Variants in PPDPF observed in about 807,000 individuals in gnomAD.
PPDPF encodes the protein pancreatic progenitor cell differentiation and proliferation factor.
PPDPF carries 11 observed loss-of-function variants against 6.3 expected under a neutral mutation model. The observed-to-expected ratio is 1.76, with a 90% CI of 1.11 to 2.91. The LOEUF (loss-of-function observed/expected upper bound fraction) is 2.91. PPDPF is among the 30% of genes most tolerant of loss of function. The pLI is 0.00. For synonymous variants in PPDPF, 86 were observed against 64.5 expected (o/e 1.33, Z -1.60); for missense variants, 202 against 159.4 (o/e 1.27, Z -1.44).
chr20:63,521,646 G>A (rs747770066), intron 3 of PPDPF, 22 bp from the exon 4 acceptor site: 1 of 1,613,118 alleles, frequency 6.2e-7, no homozygotes, highest in Non-Finnish European at 8.5e-7. Context: ...GCAGCATCAA[G>A]ACCCCACTTC....
chr20:63,522,087 C>A lies in PPDPF; in HGVS notation c.*208C>A. 1.6e-6 allele frequency: 1 copy of A among 611,208 alleles called. No homozygotes were observed. The highest frequency in any genetic ancestry group is 3.0e-6 in the Non-Finnish European group (1 of 334,946). The allele number at this position is 611,208 out of a possible 1,614,324, so 37.9% of individuals were successfully genotyped here. A position where few individuals can be genotyped will look rare whatever the true frequency, so the allele number is the denominator to read the frequency against. On this transcript the variant is annotated 3_prime_UTR_variant, in exon 4 of 4. Coordinates refer to ENST00000370179, the MANE Select transcript of PPDPF (RefSeq NM_024299.4). ...GAGCCCCGCTCTCTACCGCCCGGCC[C>A]CAGCACTCGCTAGCTTTCCTGACAC...
At position 63,522,083 on chromosome 20, in the gene PPDPF, G is replaced by T; in HGVS notation, c.*204G>T. ...GTGAGAGCCCCGCTCTCTACCGCCC[G>T]GCCCCAGCACTCGCTAGCTTTCCTG... On this transcript the variant is annotated 3_prime_UTR_variant, in exon 4 of 4. Transcript: ENST00000370179. 1 of 612,012 alleles carries T rather than the reference G, an allele frequency of 1.6e-6. No individual in the cohort carries two copies. The highest frequency in any genetic ancestry group is 2.0e-5 in the South Asian group (1 of 50,862). The allele number at this position is 612,012 out of a possible 1,614,324, so 37.9% of individuals were successfully genotyped here. A position where few individuals can be genotyped will look rare whatever the true frequency, so the allele number is the denominator to read the frequency against.
At position 63,521,317 on chromosome 20, in the gene PPDPF, C is replaced by T; in HGVS notation, c.9C>T (p.Ala3=). ...AGCCAGCAAGCTAAAGCATGGCGGC[C>T]ATCCCCTCCAGCGGCTCGCTCGTGG... MA[A]IPSSGSLVAT... is the part of the protein sequence containing the mutation. The change falls in exon 2 of 4, where the codon GCC becomes GCT. Residue 3 remains alanine (A), a synonymous_variant. Coordinates refer to ENST00000370179, the MANE Select transcript of PPDPF (RefSeq NM_024299.4). The T allele has an allele frequency of 6.2e-7, 1 of 1,610,470 alleles. No homozygotes were observed. The highest frequency in any genetic ancestry group is 1.3e-5 in the African/African-American group (1 of 74,962).
chr20:63,521,117 G>A (rs1426466835), intron 1 of PPDPF, among the ~76,000 whole-genome samples, 167 bp from the exon 2 acceptor site: 1 of 152,046 alleles, frequency 6.6e-6, no homozygotes, highest in African/African-American at 2.4e-5. Flanking sequence ...CCGCTCGGCC[G>A]GTTTGGGCTG....
At position 63,520,826 on chromosome 20, in the gene PPDPF, C is replaced by G; in HGVS notation, c.-94C>G. 4 of 985,702 alleles carry G rather than the reference C, an allele frequency of 4.1e-6. No homozygotes were observed. In the South Asian group the frequency reaches 1.9e-4, roughly 46 times the overall value. 61.1% of individuals were successfully genotyped at this position (985,702 alleles called of 1,614,324 possible). On this transcript the variant is annotated 5_prime_UTR_variant, in exon 1 of 4. Transcript: ENST00000370179. ...CGCGGTCTTCTCTGCAAATGGGCTC[C>G]GTGGCCTAGCGCCCCCGTCCCCGCC... is the stretch of plus-strand genomic sequence containing the variant.
Position 63,521,339 on chromosome 20 carries a change from G to T in PPDPF, c.31G>T (p.Val11Leu), listed in dbSNP as rs1207317476. 1.9e-6 allele frequency: 3 copies of T among 1,608,326 alleles called. No homozygotes were observed. The highest frequency in any genetic ancestry group is 2.7e-5 in the African/African-American group (2 of 74,722). The change falls in exon 2 of 4, where the codon GTG (valine) becomes TTG (leucine). Residue 11 changes from valine to leucine, a missense_variant. Transcript: ENST00000370179. ...GGCCATCCCCTCCAGCGGCTCGCTC[G>T]TGGCCACCCACGACTACTACCGGCG... Reference protein sequence around the residue: MAAIPSSGSLVATHDYYRRRL... With the variant: MAAIPSSGSLLATHDYYRRRL...
rs1192841815 is a variant in PPDPF, at chr20:63,521,990, C to T, written c.*111C>T. ...TCGCCCCCCTCCCCACCTCCCACCC[C>T]CCACCCTGTAAACTAGGCGGCTGCA... On this transcript the variant is annotated 3_prime_UTR_variant, in exon 4 of 4. Transcript: ENST00000370179. 3.7e-6 allele frequency: 3 copies of T among 808,796 alleles called. No individual in the cohort carries two copies. The highest frequency in any genetic ancestry group is 2.4e-5 in the Admixed American group (1 of 41,878). 50.1% of individuals were successfully genotyped at this position (808,796 alleles called of 1,614,324 possible).
At position 63,521,566 on chromosome 20, in the gene PPDPF, G is replaced by C; in HGVS notation, c.110G>C (p.Gly37Ala). 4 of 1,607,582 alleles carry C rather than the reference G, an allele frequency of 2.5e-6. No homozygotes were observed. The highest frequency in any genetic ancestry group is 3.4e-6 in the Non-Finnish European group (4 of 1,176,840). ...TCCTGCAGCAGTACCGAGTGCCCCG[G>C]GGAAGCCATTCCCCACCCCCCAGGT... ...NSSCSSTECP[G>A]EAIPHPPGLP... Residue 37 changes from glycine to alanine, a missense_variant, in exon 3 of 4, where the codon GGG becomes GCG. Gly to Ala is a moderately conservative substitution (Grantham distance 60, BLOSUM62 0). Coordinates refer to ENST00000370179, the MANE Select transcript of PPDPF (RefSeq NM_024299.4).
rs1600923374 is a variant in PPDPF, at chr20:63,520,789, G to A, written c.-131G>A. The A allele has an allele frequency of 3.0e-6, 3 of 984,962 alleles. No homozygotes were observed. In the East Asian group the frequency reaches 3.4e-4, roughly 113 times the overall value. 61.0% of individuals were successfully genotyped at this position (984,962 alleles called of 1,614,324 possible). A position where few individuals can be genotyped will look rare whatever the true frequency, so the allele number is the denominator to read the frequency against. ...CACCCCGCGCGCGCCTCTCTGTCGT[G>A]GCGCGGCTTCCCGCGGTCTTCTCTG... On this transcript the variant is annotated 5_prime_UTR_variant, in exon 1 of 4. Coordinates refer to ENST00000370179, the MANE Select transcript of PPDPF (RefSeq NM_024299.4).
At position 63,521,495 on chromosome 20, in the gene PPDPF, G is replaced by A; in HGVS notation, c.56-17G>A. 1.3e-6 allele frequency: 2 copies of A among 1,565,738 alleles called. No homozygotes were observed. Among genetic ancestry groups the A allele is most frequent in the Non-Finnish European group, 1.7e-6 (2 of 1,154,330 alleles). On this transcript the variant is annotated splice_polypyrimidine_tract_variant and intron_variant, in intron 2 of 3. Coordinates refer to ENST00000370179, the MANE Select transcript of PPDPF (RefSeq NM_024299.4). ...GGCTCCGCGCCCCGCGTTGCTGACG[G>A]GACCTCTCCTCTCCAGGCCGCCTGG...
rs2082545758 is a variant in PPDPF at position 63,521,530 on chromosome 20, CCAGCAACAGCTCCTGCAGCAGTACCGA to C, written c.75_101del (p.Ser26_Glu34del). 6.3e-7 allele frequency: 1 copy of C among 1,585,078 alleles called. No homozygotes were observed. The highest frequency in any genetic ancestry group is 8.6e-7 in the Non-Finnish European group (1 of 1,164,256). Reference sequence around the variant, plus strand: ...TCTCCAGGCCGCCTGGGTTCCACTTCCAGCAACAGCTCCTGCAGCAGTACCGAGTGCCCCGGGGAAGCCATTCCCCAC... The same window carrying C: ...TCTCCAGGCCGCCTGGGTTCCACTTCGTGCCCCGGGGAAGCCATTCCCCAC... On this transcript the variant is annotated inframe_deletion, in exon 3 of 4. Transcript: ENST00000370179.
chr20:63,522,003 C>T lies in PPDPF; in HGVS notation c.*124C>T, dbSNP rs1175782680. 9.3e-6 allele frequency: 7 copies of T among 752,780 alleles called. No individual in the cohort carries two copies. Among genetic ancestry groups the T allele is most frequent in the East Asian group, 2.8e-5 (1 of 36,108 alleles). 46.6% of individuals were successfully genotyped at this position (752,780 alleles called of 1,614,324 possible). On this transcript the variant is annotated 3_prime_UTR_variant, in exon 4 of 4. Transcript: ENST00000370179. ...CACCTCCCACCCCCCACCCTGTAAA[C>T]TAGGCGGCTGCAGCAAGCAGACCTT...
chr20:63,521,675 C>G lies in PPDPF; in HGVS notation c.141C>G (p.Pro47=). The change falls in exon 4 of 4, where the codon CCC becomes CCG. Residue 47 remains proline, a synonymous_variant. Transcript: ENST00000370179. ...CCACTTCGCTTCTCTCAGGTCTCCC[C>G]AAGGCTGACCCGGGTCATTGGTGGG... ...GEAIPHPPGL[P]KADPGHWWAS... is the part of the protein sequence containing the mutation. 6.2e-7 allele frequency: 1 copy of G among 1,613,520 alleles called. No individual in the cohort carries two copies. The highest frequency in any genetic ancestry group is 2.2e-5 in the East Asian group (1 of 44,872).
rs771137057 is a variant in PPDPF at position 63,521,391 on chromosome 20, C to T, written c.55+28C>T. The T allele has an allele frequency of 1.3e-5, 21 of 1,602,862 alleles. No individual in the cohort carries two copies. In the African/African-American group the frequency reaches 2.8e-4, roughly 21 times the overall value. ...GAGTAGCCCCTGCCCCCCATCCACGCGGATGCTCTGCTGGCGCCAGTGCCG... is the reference window on the plus strand; with the variant it reads ...GAGTAGCCCCTGCCCCCCATCCACGTGGATGCTCTGCTGGCGCCAGTGCCG... On this transcript the variant is annotated intron_variant, in intron 2 of 3. Transcript: ENST00000370179.
In PPDPF at chr20:63,521,301, G is replaced by T; in HGVS notation, c.-8G>T. 6.2e-7 allele frequency: 1 copy of T among 1,609,556 alleles called. No individual in the cohort carries two copies. The highest frequency in any genetic ancestry group is 8.5e-7 in the Non-Finnish European group (1 of 1,178,542). On this transcript the variant is annotated 5_prime_UTR_variant, in exon 2 of 4. Coordinates refer to ENST00000370179, the MANE Select transcript of PPDPF (RefSeq NM_024299.4). ...ATGCGCAGATCCCACCAGCCAGCAA[G>T]CTAAAGCATGGCGGCCATCCCCTCC...
rs1469811375 is a variant in PPDPF, at chr20:63,521,379, C to T, written c.55+16C>T. On this transcript the variant is annotated intron_variant, in intron 2 of 3. Coordinates refer to ENST00000370179, the MANE Select transcript of PPDPF (RefSeq NM_024299.4). ...TACTACCGGCGTGAGTAGCCCCTGC[C>T]CCCCATCCACGCGGATGCTCTGCTG... 1.9e-6 allele frequency: 3 copies of T among 1,606,312 alleles called. No individual in the cohort carries two copies. Among genetic ancestry groups the T allele is most frequent in the South Asian group, 1.1e-5 (1 of 90,578 alleles).
intron 1 of PPDPF, 36 bp downstream of exon 1, chr20:63,520,930 C>CCGAGGGG: frequency 9.9e-7 from 1 of 1,009,426 alleles, no homozygotes; most frequent in Non-Finnish European, 1.2e-6. Flanking sequence ...ACGAGCAGGC[C>CCGAGGGG]CGAGGGGCGG....
At chr20:63,521,614 C>A (rs2082547359) in intron 3 of PPDPF, 25 bp downstream of exon 3, 1 of 1,611,380 alleles carries the variant, frequency 6.2e-7, no homozygotes, top group Middle Eastern at 1.7e-4. Flanking sequence ...GCCCCTTTCT[C>A]CCCCCGCTCC....
Position 63,522,148 on chromosome 20 carries a change from A to T in PPDPF, c.*269A>T. The T allele has an allele frequency of 2.0e-6, 1 of 496,700 alleles. No homozygotes were observed. The highest frequency in any genetic ancestry group is 3.7e-6 in the Non-Finnish European group (1 of 266,670). The allele number at this position is 496,700 out of a possible 1,614,324, so 30.8% of individuals were successfully genotyped here. On this transcript the variant is annotated 3_prime_UTR_variant, in exon 4 of 4. Coordinates refer to ENST00000370179, the MANE Select transcript of PPDPF (RefSeq NM_024299.4). ...GCACCTGGCACCAAGCGGAAAATAA[A>T]CTCCAAGCAGCCAGTAGCCCCGATG... is the stretch of plus-strand genomic sequence containing the variant.
Sources: allele counts gnomAD v4.1 joint callset (sites outside exome capture counted in the v4.1 genomes callset), GRCh38; gene constraint gnomAD v4.1.1; transcripts MANE v1.5; gene names NCBI Gene and HGNC (gene_info 2026-07-23, HGNC 2026-07-21).